Variants in KHDRBS2 observed in about 807,000 individuals in gnomAD.
KHDRBS2 encodes KH RNA binding domain containing, signal transduction associated 2.
A neutral mutation model predicts 44.3 loss-of-function variants in KHDRBS2; 26 were observed. The observed-to-expected ratio is 0.59, with a 90% CI of 0.43 to 0.81. KHDRBS2 has a LOEUF of 0.81. KHDRBS2 is among the 40% of genes least tolerant of loss of function. The pLI is 0.00. For missense variants in KHDRBS2, 476 were observed against 433.1 expected, an observed-to-expected ratio of 1.10 and a Z score of -0.88; for synonymous variants, 194 against 151.1, an observed-to-expected ratio of 1.28 and a Z score of -2.08.
rs186340603 is a variant in KHDRBS2 at position 62,123,398 on chromosome 6, T to C, written c.219+53787A>G. 1.4e-3 allele frequency among the ~76,000 whole-genome samples: 207 copies of C among 152,346 alleles called. 1 individual carries two copies. The highest frequency in any genetic ancestry group is 6.8e-3 in the Middle Eastern group (2 of 294). On this transcript the variant is annotated intron_variant, in intron 2 of 8. Coordinates refer to ENST00000281156, the MANE Select transcript of KHDRBS2 (RefSeq NM_152688.4). ...CTTTATCACAGCATGATTTATAAAC[T>C]TTTGGGTATATACCCAGTAATGGGA...
At chr6:61,803,181 T>G (rs1201939901) in intron 6 of KHDRBS2, among the ~76,000 whole-genome samples, 1 of 152,168 alleles carries the variant, frequency 6.6e-6, no homozygotes, top group Non-Finnish European at 1.5e-5. Context: ...TTTGAGTAAC[T>G]GTGAACTGGG....
At chr6:62,048,059 G>A in intron 2 of KHDRBS2, 65 bp from the exon 3 acceptor site, 3 of 925,142 alleles carry the variant, frequency 3.2e-6, no homozygotes, top group Non-Finnish European at 5.3e-6. Context: ...TGCACCAAGA[G>A]TAATTGATAG....
intron 1 of KHDRBS2, among the ~76,000 whole-genome samples, chr6:62,255,241 G>T (rs763641796): frequency 6.6e-6 from 1 of 152,032 alleles, no homozygotes; most frequent in Non-Finnish European, 1.5e-5. Flanking sequence ...TTTTAGGGTA[G>T]CCTGGAGAAT....
At chr6:61,773,180 G>A (rs1781285625) in intron 6 of KHDRBS2, among the ~76,000 whole-genome samples, 1 of 151,930 alleles carries the variant, frequency 6.6e-6, no homozygotes, top group South Asian at 2.1e-4. Context: ...TGGGTCAAAT[G>A]GTATTTCTAG....
the KHDRBS2 span, among the ~76,000 whole-genome samples, chr6:61,648,548 A>C: frequency 6.6e-6 from 1 of 152,106 alleles, no homozygotes; most frequent in African/African-American, 2.4e-5. Context: ...AGATTCCTCG[A>C]ATTTAGAGAT....
intron 1 of KHDRBS2, among the ~76,000 whole-genome samples, chr6:62,190,921 C>T (rs1824465577): frequency 6.6e-6 from 1 of 152,118 alleles, no homozygotes; most frequent in Non-Finnish European, 1.5e-5. Context: ...TACTCTCTCA[C>T]TGCCTCAATT....
intron 2 of KHDRBS2, among the ~76,000 whole-genome samples, chr6:62,146,366 A>G (rs1813931301): frequency 6.6e-6 from 1 of 151,808 alleles, no homozygotes; most frequent in Non-Finnish European, 1.5e-5. Context: ...ACCTAAACAA[A>G]GAAAAATATT....
chr6:62,127,508 G>C (rs1809249778), intron 2 of KHDRBS2, among the ~76,000 whole-genome samples: 1 of 151,912 alleles, frequency 6.6e-6, no homozygotes, highest in African/African-American at 2.4e-5. Context: ...TATATTAATA[G>C]GTTAATACTG....
chr6:61,559,791 TA>T, the KHDRBS2 span, among the ~76,000 whole-genome samples: 12 of 152,350 alleles, frequency 7.9e-5, no homozygotes, highest in Middle Eastern at 3.4e-3. Context: ...TTGTTGTAGT[TA>T]TTTTTTTGAT....
intron 6 of KHDRBS2, among the ~76,000 whole-genome samples, chr6:61,894,145 T>C (rs1802497592): frequency 6.6e-6 from 1 of 152,110 alleles, no homozygotes; most frequent in Non-Finnish European, 1.5e-5. Context: ...ATTGTATATT[T>C]TTTTGAATTT....
In KHDRBS2 at chr6:61,966,557, T is replaced by A. The variant is rs147621242; in HGVS notation, c.483+11509A>T. Among the ~76,000 whole-genome samples, 623 of 152,096 alleles carry A rather than the reference T, an allele frequency of 4.1e-3. 6 individuals carry two copies. The highest frequency in any genetic ancestry group is 0.014 in the African/African-American group (587 of 41,530). On this transcript the variant is annotated intron_variant, in intron 4 of 8. Coordinates refer to ENST00000281156, the MANE Select transcript of KHDRBS2 (RefSeq NM_152688.4). Reference sequence around the variant, plus strand: ...TTCTTCTCATTTTGAAAGTGATCTCTAAGTGATCAGTGATCTACTTGACCA... The same window carrying A: ...TTCTTCTCATTTTGAAAGTGATCTCAAAGTGATCAGTGATCTACTTGACCA...
the KHDRBS2 span, among the ~76,000 whole-genome samples, chr6:61,571,095 C>T: frequency 6.6e-6 from 1 of 151,726 alleles, no homozygotes; most frequent in East Asian, 1.9e-4. Context: ...ATATAAATGG[C>T]CTAAATGAGC....
chr6:61,858,935 A>T (rs1178358942), intron 6 of KHDRBS2, among the ~76,000 whole-genome samples: 1 of 152,004 alleles, frequency 6.6e-6, no homozygotes, highest in East Asian at 1.9e-4. Context: ...CAATTCATAA[A>T]TTTAAAATTA....
chr6:61,551,678 T>A, the KHDRBS2 span, among the ~76,000 whole-genome samples: 25 of 152,158 alleles, frequency 1.6e-4, no homozygotes, highest in Non-Finnish European at 3.1e-4. Flanking sequence ...GTTGTAGGTG[T>A]GCAGCATTAT....
chr6:61,576,270 T>A, the KHDRBS2 span, among the ~76,000 whole-genome samples: 2 of 152,180 alleles, frequency 1.3e-5, no homozygotes, highest in East Asian at 3.8e-4. Context: ...TTATCAGTGT[T>A]TTGTAGTGTT....
At chr6:61,582,413 C>T in the KHDRBS2 span, among the ~76,000 whole-genome samples, 4 of 104,484 alleles carry the variant, frequency 3.8e-5, no homozygotes, top group Non-Finnish European at 7.8e-5. Context: ...ATAAAAATTC[C>T]TAAATTTAAT....
chr6:62,077,186 A>G (rs563688550), intron 2 of KHDRBS2, among the ~76,000 whole-genome samples: 2 of 152,168 alleles, frequency 1.3e-5, no homozygotes, highest in South Asian at 4.1e-4. Context: ...TAATTTACTG[A>G]AGAGCAAGGA....
chr6:61,581,922 C>T, the KHDRBS2 span, among the ~76,000 whole-genome samples: 8 of 151,428 alleles, frequency 5.3e-5, no homozygotes, highest in Middle Eastern at 6.8e-3. Context: ...ATTATAGCAA[C>T]CATATTCTCT....
intron 1 of KHDRBS2, among the ~76,000 whole-genome samples, chr6:62,270,277 ATCTCTCTC>A (rs147450056): frequency 1.7e-5 from 2 of 120,638 alleles, no homozygotes; most frequent in East Asian, 2.5e-4. Context: ...GTGGAACCCC[ATCTCTCTC>A]TCTCTCTCTC....
Sources: gnomAD v4.1 joint callset for allele counts (sites outside exome capture counted in the v4.1 genomes callset) on GRCh38, gnomAD v4.1.1 for gene constraint, MANE v1.5 for transcripts, NCBI Gene and HGNC (gene_info 2026-07-23, HGNC 2026-07-21) for gene names.